Variants in BSPH1 observed in about 807,000 individuals in gnomAD.
BSPH1 encodes the protein binder of sperm protein homolog 1.
Under a neutral mutation model 22.5 loss-of-function variants are expected in BSPH1, and 21 were observed. That is an observed-to-expected ratio of 0.93 (90% CI 0.66 to 1.35). BSPH1 has a LOEUF of 1.35. Ranked by LOEUF, BSPH1 falls within the 40% of genes most tolerant of loss-of-function variation. The pLI is 0.00. For synonymous variants in BSPH1, 42 were observed against 53.6 expected, an observed-to-expected ratio of 0.78 and a Z score of 0.95; for missense variants, 141 against 154.2, an observed-to-expected ratio of 0.91 and a Z score of 0.45.
chr19:47,988,166 A>T (rs1193071624), intron 1 of BSPH1, among the ~76,000 whole-genome samples: 1 of 152,160 alleles, frequency 6.6e-6, no homozygotes, highest in African/African-American at 2.4e-5. Context: ...TTCCACTTGT[A>T]TGAGAAGTTT....
intron 5 of BSPH1, 105 bp downstream of exon 5, chr19:47,976,605 A>ACC: frequency 1.3e-6 from 1 of 769,150 alleles, no homozygotes; most frequent in Admixed American, 3.3e-5. Flanking sequence ...AACAAAAAAA[A>ACC]ACCCTCTCTA....
At chr19:47,977,716 A>T in intron 3 of BSPH1, 1 of 982,898 alleles carries the variant, frequency 1.0e-6, no homozygotes, top group Non-Finnish European at 1.2e-6. Flanking sequence ...CTTCTTTTCC[A>T]GGTTATAAAC....
intron 5 of BSPH1, among the ~76,000 whole-genome samples, chr19:47,971,453 G>A (rs1378908866): frequency 2.6e-5 from 4 of 152,170 alleles, no homozygotes; most frequent in Non-Finnish European, 4.4e-5. Flanking sequence ...TGATCTGCCC[G>A]CCTCGGCCTC....
chr19:47,978,103 A>C (rs1969385583), intron 3 of BSPH1, among the ~76,000 whole-genome samples: 1 of 150,656 alleles, frequency 6.6e-6, no homozygotes, highest in African/African-American at 2.4e-5. Context: ...ATCATATTTT[A>C]TACTTGAGTT....
At chr19:47,982,211 A>C (rs778390862) in intron 1 of BSPH1, among the ~76,000 whole-genome samples, 12 of 152,232 alleles carry the variant, frequency 7.9e-5, no homozygotes, top group Non-Finnish European at 1.5e-4. Flanking sequence ...TAATTAGCAG[A>C]TATCTCTCAT....
chr19:47,988,310 G>A (rs1969490456), intron 1 of BSPH1, among the ~76,000 whole-genome samples: 1 of 152,154 alleles, frequency 6.6e-6, no homozygotes, highest in South Asian at 2.1e-4. Context: ...TCTGTTCTGA[G>A]CGTCACGCAT....
At chr19:47,981,652 C>T (rs1969421282) in intron 1 of BSPH1, 2 of 586,648 alleles carry the variant, frequency 3.4e-6, no homozygotes, top group Non-Finnish European at 4.3e-6. Flanking sequence ...AACCACTTAC[C>T]AACCATCTGC....
chr19:47,976,921 CCATGCACACA>C (rs1238314502), intron 4 of BSPH1, 67 bp from the exon 5 acceptor site: 20 of 1,442,634 alleles, frequency 1.4e-5, no homozygotes, highest in East Asian at 2.5e-5. Context: ...CTCCACCACA[CCATGCACACA>C]CATGCACACA....
intron 1 of BSPH1, among the ~76,000 whole-genome samples, chr19:47,990,118 CAAAAA>C (rs11329791): frequency 2.0e-5 from 2 of 99,678 alleles, no homozygotes; most frequent in Admixed American, 1.1e-4. Context: ...GACTCCATCT[CAAAAA>C]AAAAAAAAAA....
rs759241045 is a variant in BSPH1 at position 47,968,162 on chromosome 19, A to G, written c.*50T>C. 6.6e-6 allele frequency: 1 copy of G among 152,218 alleles called. No individual in the cohort carries two copies. The highest frequency in any genetic ancestry group is 2.4e-5 in the African/African-American group (1 of 41,466). 9.4% of individuals were successfully genotyped at this position (152,218 alleles called of 1,614,324 possible). ...GAAGAAGATTATTACTGCTGGATGC[A>G]TCGATCATGTTTTGTCTGTATCTGA... On this transcript the variant is annotated 3_prime_UTR_variant, in exon 6 of 6. Transcript: ENST00000344839.
intron 5 of BSPH1, among the ~76,000 whole-genome samples, chr19:47,973,359 C>T (rs1447586490): frequency 2.0e-5 from 3 of 151,946 alleles, no homozygotes; most frequent in Non-Finnish European, 4.4e-5. Context: ...GGAACAGTCT[C>T]CTGTCATTTT....
At position 47,992,024 on chromosome 19, in the gene BSPH1, A is replaced by G. The variant is rs1192801259; in HGVS notation, c.58T>C (p.Phe20Leu). Residue 20 changes from phenylalanine to leucine, a missense_variant, in exon 1 of 6, where the codon TTC (phenylalanine) becomes CTC (leucine). Transcript: ENST00000344839. ...ETTRNSSACI[F>L]PVILNELSST... ...AAAGAAATACTTAAAATAACAGGGA[A>G]GATGCAAGCTGAGGAATTTCGCGTC... 7 of 1,548,698 alleles carry G rather than the reference A, an allele frequency of 4.5e-6. No homozygotes were observed. The highest frequency in any genetic ancestry group is 6.1e-6 in the Non-Finnish European group (7 of 1,144,318).
intron 3 of BSPH1, among the ~76,000 whole-genome samples, chr19:47,979,156 C>G (rs1352362918): frequency 6.6e-6 from 1 of 152,006 alleles, no homozygotes; most frequent in African/African-American, 2.4e-5. Context: ...TCTTCCTCTT[C>G]TTCTTCCTTC....
intron 3 of BSPH1, among the ~76,000 whole-genome samples, chr19:47,978,716 G>A (rs908004184): frequency 2.8e-4 from 43 of 152,274 alleles, no homozygotes; most frequent in African/African-American, 9.9e-4. Context: ...CTTTAAAAAT[G>A]TTTACCTGTA....
At chr19:47,981,084 GT>G in intron 1 of BSPH1, 143 bp from the exon 2 acceptor site, 1 of 452,566 alleles carries the variant, frequency 2.2e-6, no homozygotes, top group Non-Finnish European at 4.0e-6. Flanking sequence ...TTTTAGTAGT[GT>G]GATTGTGGGT....
At chr19:47,972,009 T>C (rs912288543) in intron 5 of BSPH1, among the ~76,000 whole-genome samples, 4 of 151,724 alleles carry the variant, frequency 2.6e-5, no homozygotes, top group Non-Finnish European at 5.9e-5. Context: ...AAGAAAAAGT[T>C]ATTCTGACTG....
At chr19:47,979,698 G>A in intron 2 of BSPH1, 99 bp from the exon 3 acceptor site, 1 of 542,674 alleles carries the variant, frequency 1.8e-6, no homozygotes, top group Non-Finnish European at 3.2e-6. Flanking sequence ...GTTAGTTTAG[G>A]AAAAAGTGAT....
intron 3 of BSPH1, among the ~76,000 whole-genome samples, chr19:47,978,001 GATATATATAT>G (rs10609973): frequency 0.19 from 20,670 of 110,458 alleles, 2,008 homozygotes; most frequent in Middle Eastern, 0.26. Flanking sequence ...GTTAATACAG[GATATATATAT>G]ATATATATAT....
At chr19:47,983,733 G>T (rs995341945) in intron 1 of BSPH1, among the ~76,000 whole-genome samples, 1 of 152,152 alleles carries the variant, frequency 6.6e-6, no homozygotes, top group Non-Finnish European at 1.5e-5. Context: ...ACTACAAAAT[G>T]AAGCCGGTCA....
Sources: allele counts gnomAD v4.1 joint callset (sites outside exome capture counted in the v4.1 genomes callset), GRCh38; gene constraint gnomAD v4.1.1; transcripts MANE v1.5; gene names NCBI Gene and HGNC (gene_info 2026-07-23, HGNC 2026-07-21).